Variants in STAM2 observed in about 807,000 individuals in gnomAD.
The protein encoded by STAM2 is signal transducing adaptor molecule 2.
Under a neutral mutation model 65.6 loss-of-function variants are expected in STAM2, and 51 were observed. The observed-to-expected ratio is 0.78, with a 90% CI of 0.62 to 0.98. The LOEUF is 0.98. Among genes scored for constraint, STAM2 ranks in the 50% least tolerant of loss-of-function variants. The pLI, the probability that STAM2 is intolerant of heterozygous loss-of-function variation, is 0.00. For synonymous variants in STAM2, 198 were observed against 208.4 expected (o/e 0.95, Z 0.43); for missense variants, 584 against 617.8 (o/e 0.95, Z 0.58).
At chr2:152,134,751 A>G (rs1689124528) in intron 8 of STAM2, among the ~76,000 whole-genome samples, 1 of 152,194 alleles carries the variant, frequency 6.6e-6, no homozygotes, top group South Asian at 2.1e-4. Context: ...TTGAAATGCA[A>G]TAGTACAGAT....
rs192691452 is a variant in STAM2 at position 152,133,190 on chromosome 2, T to A, written c.953A>T (p.Asp318Val). 3.8e-6 allele frequency: 6 copies of A among 1,593,446 alleles called. No homozygotes were observed. Among genetic ancestry groups the A allele is most frequent in the Non-Finnish European group, 5.1e-6 (6 of 1,169,628 alleles). ...CTAAGTACCTTCTAAATCCAAAAGG[T>A]CTTGGGAGTCTGGTTTTGAATCTGT... ...DPTDSKPDSQ[D>V]LLDLEDICQQ... Residue 318 changes from aspartate (D) to valine (V), a missense_variant, in exon 10 of 14, where the codon GAC becomes GTC. Coordinates refer to ENST00000263904, the MANE Select transcript of STAM2 (RefSeq NM_005843.6).
intron 1 of STAM2, among the ~76,000 whole-genome samples, chr2:152,173,405 T>A (rs1689938331): frequency 7.0e-6 from 1 of 143,142 alleles, no homozygotes; most frequent in African/African-American, 2.8e-5. Flanking sequence ...TATATATATA[T>A]ATTTTTTTTC....
rs552050990 is a variant in STAM2, at chr2:152,121,974, G to C, written c.1350-1172C>G. 1.3e-3 allele frequency among the ~76,000 whole-genome samples: 203 copies of C among 151,954 alleles called. 1 individual carries two copies. The highest frequency in any genetic ancestry group is 4.6e-3 in the African/African-American group (190 of 41,426). On this transcript the variant is annotated intron_variant, in intron 13 of 13. Transcript: ENST00000263904. Reference sequence around the variant, plus strand: ...GAGGCAAGAGAATGGCATGAACCCGGGAGGTGGGGCTTGCAGTGACCCAAG... The same window carrying C: ...GAGGCAAGAGAATGGCATGAACCCGCGAGGTGGGGCTTGCAGTGACCCAAG...
intron 1 of STAM2, among the ~76,000 whole-genome samples, chr2:152,161,980 A>C (rs926951164): frequency 2.6e-5 from 4 of 151,800 alleles, no homozygotes; most frequent in South Asian, 2.1e-4. Context: ...GTGCCACCAC[A>C]CCCGGTTAAT....
chr2:152,162,219 A>G (rs991748789), intron 1 of STAM2, among the ~76,000 whole-genome samples: 6 of 152,252 alleles, frequency 3.9e-5, no homozygotes, highest in African/African-American at 1.4e-4. Context: ...CAATTAAGCA[A>G]TAACTCCTGA....
chr2:152,162,182 T>A (rs565646586), intron 1 of STAM2, among the ~76,000 whole-genome samples: 3 of 152,212 alleles, frequency 2.0e-5, no homozygotes, highest in Admixed American at 2.0e-4. Flanking sequence ...GAATGACAGA[T>A]AGCAATTTAA....
At chr2:152,161,471 G>A (rs1455591058) in intron 1 of STAM2, among the ~76,000 whole-genome samples, 3 of 128,598 alleles carry the variant, frequency 2.3e-5, no homozygotes, top group Non-Finnish European at 4.8e-5. Flanking sequence ...CCCCCTCTGC[G>A]AGAAACACCC....
intron 12 of STAM2, 139 bp from the exon 13 acceptor site, chr2:152,124,074 T>C (rs190103435): frequency 8.6e-6 from 6 of 700,034 alleles, no homozygotes; most frequent in Non-Finnish European, 2.3e-6. Flanking sequence ...CTATCCATCT[T>C]AGAACTAAAA....
At chr2:152,120,858 G>T in intron 13 of STAM2, 56 bp from the exon 14 acceptor site, 1 of 1,366,622 alleles carries the variant, frequency 7.3e-7, no homozygotes, top group South Asian at 1.2e-5. Flanking sequence ...TATAAGGTTA[G>T]AGATCAATCA....
At chr2:152,134,957 A>C (rs1689127957) in intron 8 of STAM2, among the ~76,000 whole-genome samples, 1 of 152,246 alleles carries the variant, frequency 6.6e-6, no homozygotes, top group Non-Finnish European at 1.5e-5. Context: ...CTGTGGCTGC[A>C]GACTGACTAA....
In STAM2 at chr2:152,148,214, C is replaced by G; in HGVS notation, c.201+11G>C. Reference sequence around the variant, plus strand: ...AAATTTGCGTCAAATAATAACATGCCTTGTACTCACAGTTAGTGCTTGCAG... The same window carrying G: ...AAATTTGCGTCAAATAATAACATGCGTTGTACTCACAGTTAGTGCTTGCAG... On this transcript the variant is annotated intron_variant, in intron 3 of 13. Transcript: ENST00000263904. The G allele has an allele frequency of 6.2e-7, 1 of 1,607,130 alleles. No homozygotes were observed. Among genetic ancestry groups the G allele is most frequent in the Non-Finnish European group, 8.5e-7 (1 of 1,176,914 alleles).
chr2:152,141,982 C>T (rs1328377258), intron 7 of STAM2, among the ~76,000 whole-genome samples: 1 of 152,142 alleles, frequency 6.6e-6, no homozygotes, highest in East Asian at 1.9e-4. Context: ...CTTCAAATTC[C>T]ACAAAAGTAT....
At chr2:152,151,739 ATTTTTCATAT>A (rs1359943470) in intron 1 of STAM2, among the ~76,000 whole-genome samples, 2 of 151,960 alleles carry the variant, frequency 1.3e-5, no homozygotes, top group African/African-American at 4.8e-5. Flanking sequence ...CCTATTCCGG[ATTTTTCATAT>A]AAATAGAACC....
chr2:152,144,057 GATAAA>G (rs765977019), intron 6 of STAM2, 44 bp from the exon 7 acceptor site: 5 of 1,375,652 alleles, frequency 3.6e-6, no homozygotes, highest in African/African-American at 1.5e-5. Context: ...AATTAATTTT[GATAAA>G]ATAAACATTA....
chr2:152,144,258 T>C (rs886346562), intron 6 of STAM2, among the ~76,000 whole-genome samples: 1 of 152,114 alleles, frequency 6.6e-6, no homozygotes, highest in South Asian at 2.1e-4. Flanking sequence ...AGCAAACAGA[T>C]TGTGACATTA....
At chr2:152,154,948 G>T (rs954251357) in intron 1 of STAM2, among the ~76,000 whole-genome samples, 2 of 150,848 alleles carry the variant, frequency 1.3e-5, no homozygotes, top group African/African-American at 5.0e-5. Context: ...ATACTTATTG[G>T]TATCTTTCAT....
intron 6 of STAM2, 32 bp downstream of exon 6, chr2:152,144,856 C>A: frequency 6.3e-7 from 1 of 1,597,976 alleles, no homozygotes. Context: ...ATATTTTAAG[C>A]AACACTAAAT....
intron 1 of STAM2, among the ~76,000 whole-genome samples, chr2:152,163,699 G>T (rs1689726269): frequency 6.6e-6 from 1 of 152,104 alleles, no homozygotes; most frequent in Admixed American, 6.6e-5. Context: ...TCTTCTTCTA[G>T]CAAGGAATAC....
intron 7 of STAM2, among the ~76,000 whole-genome samples, chr2:152,137,710 T>G (rs957193870): frequency 5.9e-5 from 9 of 152,182 alleles, no homozygotes. Context: ...TCCTATATAC[T>G]TAACTGTAGT....
Sources: gnomAD v4.1 joint callset for allele counts (sites outside exome capture counted in the v4.1 genomes callset) on GRCh38, gnomAD v4.1.1 for gene constraint, MANE v1.5 for transcripts, NCBI Gene and HGNC (gene_info 2026-07-23, HGNC 2026-07-21) for gene names.